Variants in COG5 observed in about 807,000 individuals in gnomAD.
COG5 encodes the protein component of oligomeric golgi complex 5.
Under a neutral mutation model 110.4 loss-of-function variants are expected in COG5, and 86 were observed. That is an observed-to-expected ratio of 0.78 (90% CI 0.65 to 0.93). The LOEUF (loss-of-function observed/expected upper bound fraction) is 0.93. Ranked by LOEUF, COG5 falls within the 40% of genes least tolerant of loss-of-function variation. COG5 has a pLI of 0.00. For synonymous variants in COG5, 360 were observed against 334.6 expected, an observed-to-expected ratio of 1.08 and a Z score of -0.83; for missense variants, 1,077 against 987.0, an observed-to-expected ratio of 1.09 and a Z score of -1.22.
intron 6 of COG5, among the ~76,000 whole-genome samples, chr7:107,516,752 C>T (rs1799950315): frequency 6.6e-6 from 1 of 152,178 alleles, no homozygotes; most frequent in African/African-American, 2.4e-5. Flanking sequence ...CAAACTGCAG[C>T]AGACCTGCAG....
chr7:107,398,038 A>C (rs1791139449), intron 7 of COG5, among the ~76,000 whole-genome samples: 1 of 152,176 alleles, frequency 6.6e-6, no homozygotes, highest in South Asian at 2.1e-4. Flanking sequence ...AAAACCTCTA[A>C]AAGAAAACAT....
intron 11 of COG5, among the ~76,000 whole-genome samples, chr7:107,303,671 G>C (rs993774815): frequency 1.3e-5 from 2 of 151,708 alleles, no homozygotes; most frequent in Admixed American, 6.6e-5. Context: ...AAACTCCTAG[G>C]CTCAAGGAAT....
At chr7:107,266,834 T>C (rs1031214717) in intron 14 of COG5, among the ~76,000 whole-genome samples, 1 of 152,188 alleles carries the variant, frequency 6.6e-6, no homozygotes, top group Admixed American at 6.5e-5. Context: ...AATGATTTCA[T>C]TGCCTTCTTC....
chr7:107,554,959 A>G (rs777777714), intron 2 of COG5, among the ~76,000 whole-genome samples: 1 of 152,172 alleles, frequency 6.6e-6, no homozygotes, highest in Non-Finnish European at 1.5e-5. Context: ...CAAAAAATGT[A>G]AAAAACAGCT....
chr7:107,448,049 G>A (rs1795116466), intron 6 of COG5, among the ~76,000 whole-genome samples: 1 of 152,130 alleles, frequency 6.6e-6, no homozygotes, highest in Non-Finnish European at 1.5e-5. Flanking sequence ...CCAGCTACAT[G>A]GGAGGCTGAG....
chr7:107,441,580 A>C (rs575018006), intron 6 of COG5, among the ~76,000 whole-genome samples: 5 of 152,316 alleles, frequency 3.3e-5, no homozygotes, highest in African/African-American at 9.6e-5. Context: ...CCCTGACTCC[A>C]AGTGTATGCA....
In COG5 at chr7:107,203,644, T is replaced by C. The variant is rs201706597; in HGVS notation, c.2376-14A>G. The C allele has an allele frequency of 1.3e-6, 2 of 1,484,934 alleles. No individual in the cohort carries two copies. The highest frequency in any genetic ancestry group is 2.3e-5 in the East Asian group (1 of 44,242). The allele number at this position is 1,484,934 out of a possible 1,614,324, so 92.0% of individuals were successfully genotyped here. ...TCCAGGGCTCCCCTGAAAACCAAAA[T>C]GAAAACAATGTCAAAATATTAGATA... On this transcript the variant is annotated splice_polypyrimidine_tract_variant and intron_variant, in intron 21 of 21. Transcript: ENST00000297135.
intron 6 of COG5, among the ~76,000 whole-genome samples, chr7:107,458,724 TG>T (rs1795811779): frequency 6.6e-6 from 1 of 151,952 alleles, no homozygotes; most frequent in Admixed American, 6.6e-5. Context: ...CCAGGTGTGG[TG>T]GTAAGTGCTT....
intron 6 of COG5, among the ~76,000 whole-genome samples, chr7:107,432,912 A>T (rs1473162027): frequency 6.6e-6 from 1 of 152,168 alleles, no homozygotes; most frequent in Non-Finnish European, 1.5e-5. Flanking sequence ...CAGATGACAT[A>T]ATCTTAGATA....
intron 10 of COG5, among the ~76,000 whole-genome samples, chr7:107,338,477 T>A (rs981182111): frequency 1.3e-4 from 20 of 152,082 alleles, no homozygotes; most frequent in Admixed American, 1.2e-3. Context: ...AATTCTTACC[T>A]TATACCATAC....
intron 5 of COG5, among the ~76,000 whole-genome samples, chr7:107,547,726 C>T (rs150138377): frequency 1.3e-5 from 2 of 152,078 alleles, no homozygotes; most frequent in African/African-American, 4.8e-5. Flanking sequence ...CATTTCTATA[C>T]ACTAACAATG....
chr7:107,434,727 T>C lies in COG5; in HGVS notation c.539-22095A>G, dbSNP rs184954665. 2.5e-3 allele frequency among the ~76,000 whole-genome samples: 376 copies of C among 152,286 alleles called. 1 individual carries two copies. The highest frequency in any genetic ancestry group is 5.8e-3 in the Admixed American group (89 of 15,296). The stretch of plus-strand genomic sequence containing the variant: ...GGCTCACGCCTGTAATCCCAGCACT[T>C]TGGGAGGCCAAGGTGGGCGGATCAC... On this transcript the variant is annotated intron_variant, in intron 6 of 21. Transcript: ENST00000297135.
In COG5 at chr7:107,230,682, C is replaced by A; in HGVS notation, c.2101G>T (p.Ala701Ser). ...LAADFAQMELAVGPFCRRVSD... is the reference protein window; with the variant it reads ...LAADFAQMELSVGPFCRRVSD... ...ACTCGTCTACAGAATGGACCCACAG[C>A]CAACTCCATCTGAAATATTAAAATA... is the stretch of plus-strand genomic sequence containing the variant. The change falls in exon 19 of 22, where the codon GCT becomes TCT. Residue 701 changes from alanine to serine, a missense_variant. Coordinates refer to ENST00000297135, the MANE Select transcript of COG5 (RefSeq NM_006348.5). 6.2e-7 allele frequency: 1 copy of A among 1,609,222 alleles called. No individual in the cohort carries two copies. Among genetic ancestry groups the A allele is most frequent in the East Asian group, 2.2e-5 (1 of 44,814 alleles).
chr7:107,205,484 G>C (rs779524095), intron 21 of COG5, among the ~76,000 whole-genome samples: 11 of 152,132 alleles, frequency 7.2e-5, no homozygotes, highest in Admixed American at 3.3e-4. Flanking sequence ...GCCCAACCTG[G>C]CTGCCCACCT....
chr7:107,504,504 G>A lies in COG5; in HGVS notation c.538+22733C>T, dbSNP rs1382878146. Reference sequence around the variant, plus strand: ...TGAGTTTTGGTATCAGGGTAATACCGGCTTCAAAGAATGATTCAGAGAGAA... The same window carrying A: ...TGAGTTTTGGTATCAGGGTAATACCAGCTTCAAAGAATGATTCAGAGAGAA... On this transcript the variant is annotated intron_variant, in intron 6 of 21. Coordinates refer to ENST00000297135, the MANE Select transcript of COG5 (RefSeq NM_006348.5). Among the ~76,000 whole-genome samples the A allele has an allele frequency of 7.2e-5, 11 of 152,150 alleles. No homozygotes were observed. The East Asian group carries it at 7.7e-4, about 11-fold the overall frequency.
chr7:107,452,040 T>C (rs936076620), intron 6 of COG5, among the ~76,000 whole-genome samples: 4 of 152,078 alleles, frequency 2.6e-5, no homozygotes, highest in Non-Finnish European at 5.9e-5. Context: ...AGACCTACTA[T>C]CCATTTAATT....
chr7:107,285,717 C>T (rs563538714), intron 12 of COG5, among the ~76,000 whole-genome samples: 28 of 151,758 alleles, frequency 1.8e-4, no homozygotes, highest in Admixed American at 5.9e-4. Flanking sequence ...AATTCCCGGC[C>T]GGACCTGGTG....
At chr7:107,283,864 T>A (rs112811361) in intron 12 of COG5, 132 bp from the exon 13 acceptor site, 2 of 672,970 alleles carry the variant, frequency 3.0e-6, no homozygotes, top group African/African-American at 3.6e-5. Flanking sequence ...AAAAAGAAAA[T>A]AATTTGTTTC....
chr7:107,375,197 CAGT>C (rs1386426909), intron 7 of COG5, among the ~76,000 whole-genome samples: 2 of 151,950 alleles, frequency 1.3e-5, no homozygotes, highest in Admixed American at 1.3e-4. Context: ...TTGGATGCAG[CAGT>C]AGTTGATTCA....
Sources: gnomAD v4.1 joint callset for allele counts (sites outside exome capture counted in the v4.1 genomes callset) on GRCh38, gnomAD v4.1.1 for gene constraint, MANE v1.5 for transcripts, NCBI Gene and HGNC (gene_info 2026-07-23, HGNC 2026-07-21) for gene names.